The following FKBP8 variants were observed in gnomAD, a reference collection of about 807,000 sequenced individuals.
FKBP8 encodes peptidyl-prolyl cis-trans isomerase FKBP8.
A neutral mutation model predicts 41.7 loss-of-function variants in FKBP8; 5 were observed. The observed-to-expected ratio is 0.12, with a 90% confidence interval of 0.06 to 0.25. The LOEUF (loss-of-function observed/expected upper bound fraction) is 0.25. FKBP8 is among the 10% of genes least tolerant of loss of function. FKBP8 has a pLI of 1.00. For synonymous variants in FKBP8, 279 were observed against 254.5 expected (o/e 1.10, Z -0.92); for missense variants, 397 against 563.0 (o/e 0.71, Z 2.98).
intron 1 of FKBP8, 116 bp downstream of exon 1, chr19:18,543,370 C>A (rs1290564757): frequency 7.3e-6 from 1 of 136,718 alleles, no homozygotes; most frequent in Admixed American, 7.1e-5. Flanking sequence ...TCGCCACCCC[C>A]GCGGCCCCTC....
chr19:18,541,564 G>T, intron 2 of FKBP8, 115 bp downstream of exon 2: 1 of 1,443,028 alleles, frequency 6.9e-7, no homozygotes, highest in East Asian at 2.3e-5. Flanking sequence ...CCTCTGGCTG[G>T]TGATCACGGT....
Position 18,537,815 on chromosome 19 carries a change from C to T in FKBP8, c.773-42G>A, listed in dbSNP as rs200991648. 43 of 1,572,360 alleles carry T rather than the reference C, an allele frequency of 2.7e-5. No individual in the cohort carries two copies. The African/African-American group carries it at 5.1e-4, about 19-fold the overall frequency. ...CCCGCCACGGCAGCCGTCACCATGC[C>T]ACCAGACACCCCGGCACCCACCCCT... On this transcript the variant is annotated intron_variant, in intron 5 of 8. Coordinates refer to ENST00000608443, the MANE Select transcript of FKBP8 (RefSeq NM_012181.5). The surrounding 1 kb of genome is among the most constrained non-coding windows in gnomAD (Gnocchi z 4.4).
chr19:18,537,745 C>G lies in FKBP8; in HGVS notation c.801G>C (p.Gln267His), dbSNP rs978206524. ...GACACTTCACCTTCAACTGCAGGAG[C>G]TGTGCCTCCTCCTCGAACGTCATGT... ...KVDMTFEEEA[Q>H]LLQLKVKCLN... is the part of the protein sequence containing the mutation. The change falls in exon 6 of 9, where the codon CAG becomes CAC. Residue 267 changes from glutamine (Q) to histidine (H), a missense_variant. Gln to His is a conservative substitution (Grantham distance 24). This residue lies in a region of FKBP8 where 225 missense variants were observed against 366.8 expected (regional missense o/e 0.61). Transcript: ENST00000608443. This position sits in a 1 kb window ranked among gnomAD's most constrained non-coding sequence, Gnocchi z 4.4. The G allele has an allele frequency of 6.2e-7, 1 of 1,613,488 alleles. No homozygotes were observed. Among genetic ancestry groups the G allele is most frequent in the African/African-American group, 1.3e-5 (1 of 75,044 alleles).
Position 18,531,904 on chromosome 19 carries a change from AG to A in FKBP8, c.*264del. 1 of 485,002 alleles carries A rather than the reference AG, an allele frequency of 2.1e-6. No homozygotes were observed. The highest frequency in any genetic ancestry group is 3.8e-6 in the Non-Finnish European group (1 of 264,668). The allele number at this position is 485,002 out of a possible 1,614,324, so 30.0% of individuals were successfully genotyped here. The stretch of plus-strand genomic sequence containing the variant: ...GGCCTGTTGAGGAGAAACTGAGGCC[AG>A]CCCTGGCGGAGACCTAGCCCAGCGG... On this transcript the variant is annotated 3_prime_UTR_variant, in exon 9 of 9. Coordinates refer to ENST00000608443, the MANE Select transcript of FKBP8 (RefSeq NM_012181.5).
At chr19:18,536,768 A>C (rs2145188344) in intron 6 of FKBP8, among the ~76,000 whole-genome samples, 1 of 152,376 alleles carries the variant, frequency 6.6e-6, no homozygotes, top group East Asian at 1.9e-4. Flanking sequence ...TGAGTAAGGT[A>C]GATGGACAAG....
Position 18,538,308 on chromosome 19 carries a change from T to C in FKBP8, c.680A>G (p.Glu227Gly). 1 of 1,613,592 alleles carries C rather than the reference T, an allele frequency of 6.2e-7. No individual in the cohort carries two copies. The highest frequency in any genetic ancestry group is 1.7e-5 in the Admixed American group (1 of 60,006). Residue 227 changes from glutamate to glycine, a missense_variant, in exon 5 of 9, where the codon GAG (glutamate) becomes GGG (glycine). Physicochemically the swap from Glu to Gly is moderately conservative, Grantham distance 98 (BLOSUM62 -2). Around this residue, in one of 2 missense-constraint regions of FKBP8, gnomAD observed 225 missense variants for 366.8 expected, o/e 0.61. Coordinates refer to ENST00000608443, the MANE Select transcript of FKBP8 (RefSeq NM_012181.5). This position sits in a 1 kb window ranked among gnomAD's most constrained non-coding sequence, Gnocchi z 4.0. The part of the protein sequence containing the change: ...ERVALANRKR[E>G]CGNAHYQRAD... Reference sequence around the variant, plus strand: ...CCGCTGGTAGTGGGCGTTGCCGCACTCCCGCTTCCGGTTGGCCAGGGCCAC... The same window carrying C: ...CCGCTGGTAGTGGGCGTTGCCGCACCCCCGCTTCCGGTTGGCCAGGGCCAC...
intron 6 of FKBP8, among the ~76,000 whole-genome samples, chr19:18,534,827 G>A (rs1004278129): frequency 2.7e-5 from 4 of 150,898 alleles, no homozygotes; most frequent in Admixed American, 2.6e-4. Context: ...TCTCACTCTC[G>A]CCCAGGCTGG....
chr19:18,537,279 G>A lies in FKBP8; in HGVS notation c.945+322C>T, dbSNP rs1191160172. On this transcript the variant is annotated intron_variant, in intron 6 of 8. Coordinates refer to ENST00000608443, the MANE Select transcript of FKBP8 (RefSeq NM_012181.5). This position sits in a 1 kb window ranked among gnomAD's most constrained non-coding sequence, Gnocchi z 4.4. The stretch of plus-strand genomic sequence containing the variant: ...CTTGAACCCAGGAGGAGGAGGTTGC[G>A]GTGGTGAGCTGAGATCACACCACTG... Among the ~76,000 whole-genome samples, 4 of 151,934 alleles carry A rather than the reference G, an allele frequency of 2.6e-5. No homozygotes were observed. Among genetic ancestry groups the A allele is most frequent in the African/African-American group, 4.8e-5 (2 of 41,334 alleles).
Position 18,538,527 on chromosome 19 carries a change from G to T in FKBP8, c.552-91C>A. 2 of 1,072,868 alleles carry T rather than the reference G, an allele frequency of 1.9e-6. No homozygotes were observed. The highest frequency in any genetic ancestry group is 2.7e-6 in the Non-Finnish European group (2 of 748,966). 66.5% of individuals were successfully genotyped at this position (1,072,868 alleles called of 1,614,324 possible). On this transcript the variant is annotated intron_variant, in intron 4 of 8. Transcript: ENST00000608443. The surrounding 1 kb of genome is among the most constrained non-coding windows in gnomAD (Gnocchi z 4.0). The stretch of plus-strand genomic sequence containing the variant: ...CTAGGAAGGAGTGAGCTTGGCTCAA[G>T]CCCCCGATCTGTCTCCCCTCTGCCC...
At position 18,537,208 on chromosome 19, in the gene FKBP8, C is replaced by T. The variant is rs1482680255; in HGVS notation, c.945+393G>A. Among the ~76,000 whole-genome samples the T allele has an allele frequency of 6.6e-6, 1 of 152,080 alleles. No individual in the cohort carries two copies. The highest frequency in any genetic ancestry group is 2.1e-4 in the South Asian group (1 of 4,830). On this transcript the variant is annotated intron_variant, in intron 6 of 8. Transcript: ENST00000608443. This position sits in a 1 kb window ranked among gnomAD's most constrained non-coding sequence, Gnocchi z 4.4. ...CAAAAATTAACTGGGTGTGGTGGCTCGCACCTGTAGTCCCAGCTACTTGGG... is the reference window on the plus strand; with the variant it reads ...CAAAAATTAACTGGGTGTGGTGGCTTGCACCTGTAGTCCCAGCTACTTGGG...
At chr19:18,540,451 T>C (rs957737288) in intron 2 of FKBP8, among the ~76,000 whole-genome samples, 65 of 151,208 alleles carry the variant, frequency 4.3e-4, no homozygotes, top group African/African-American at 1.3e-3. Context: ...AAATAAAAAA[T>C]GACCAGGCAT....
At chr19:18,539,242 A>G in intron 4 of FKBP8, 129 bp downstream of exon 4, 1 of 826,700 alleles carries the variant, frequency 1.2e-6, no homozygotes, top group South Asian at 1.7e-5. Context: ...TTCAGGTGTG[A>G]GCCACCTCAC....
intron 2 of FKBP8, 129 bp from the exon 3 acceptor site, chr19:18,539,849 C>G: frequency 3.6e-6 from 4 of 1,124,388 alleles, no homozygotes. Context: ...AACACTGGGG[C>G]ACAAACCAAA....
intron 6 of FKBP8, among the ~76,000 whole-genome samples, chr19:18,534,478 CCTT>C (rs747294512): frequency 2.0e-5 from 3 of 152,342 alleles, no homozygotes; most frequent in East Asian, 3.9e-4. Flanking sequence ...ACATGCTCCT[CCTT>C]CCTGTCTCAG....
At position 18,538,491 on chromosome 19, in the gene FKBP8, C is replaced by A; in HGVS notation, c.552-55G>T. The A allele has an allele frequency of 1.4e-6, 2 of 1,481,266 alleles. No homozygotes were observed. Among genetic ancestry groups the A allele is most frequent in the East Asian group, 2.3e-5 (1 of 42,590 alleles). 91.8% of individuals were successfully genotyped at this position (1,481,266 alleles called of 1,614,324 possible). On this transcript the variant is annotated intron_variant, in intron 4 of 8. Transcript: ENST00000608443. The surrounding 1 kb of genome is among the most constrained non-coding windows in gnomAD (Gnocchi z 4.0). ...ACTCAGACCTGGTGACCCCTAAACC[C>A]GCTGGGCTGGCTAGGAAGGAGTGAG...
Position 18,540,033 on chromosome 19 carries a change from G to A in FKBP8, c.293-313C>T, listed in dbSNP as rs1033902192. On this transcript the variant is annotated intron_variant, in intron 2 of 8. Transcript: ENST00000608443. ...TTTTTTAAGAAAACTGAGACTTGCC[G>A]AGTTTCCATCTATTTGAGAGGCCAA... Among the ~76,000 whole-genome samples the A allele has an allele frequency of 1.1e-4, 16 of 151,594 alleles. 1 individual carries two copies. In the Middle Eastern group the frequency reaches 0.01, roughly 97 times the overall value.
At chr19:18,532,908 G>T in intron 7 of FKBP8, 113 bp from the exon 8 acceptor site, 1 of 1,501,702 alleles carries the variant, frequency 6.7e-7, no homozygotes, top group Non-Finnish European at 8.9e-7. Flanking sequence ...GGACACAGGG[G>T]TCCCATCTGC....
chr19:18,536,902 G>C (rs377534486), intron 6 of FKBP8, among the ~76,000 whole-genome samples: 118 of 152,314 alleles, frequency 7.7e-4, no homozygotes, highest in African/African-American at 2.7e-3. Context: ...CACGTGGGAT[G>C]GAGAGAAGCA....
rs183127813 is a variant in FKBP8 at position 18,537,575 on chromosome 19, C to T, written c.945+26G>A. The T allele has an allele frequency of 6.4e-5, 100 of 1,559,392 alleles. No individual in the cohort carries two copies. The East Asian group carries it at 1.7e-3, about 26-fold the overall frequency. ...CCCGTATACCCCAGGCTGAGTGACC[C>T]GGCCTGGCACCCCGGTGTGGCCTAC... On this transcript the variant is annotated intron_variant, in intron 6 of 8. Transcript: ENST00000608443. This position sits in a 1 kb window ranked among gnomAD's most constrained non-coding sequence, Gnocchi z 4.4.
Sources: allele counts gnomAD v4.1 joint callset (sites outside exome capture counted in the v4.1 genomes callset), GRCh38; gene constraint gnomAD v4.1.1; regional missense constraint gnomAD v4.1.1; non-coding constraint Gnocchi (gnomAD v3.1); transcripts MANE v1.5; gene names NCBI Gene and HGNC (gene_info 2026-07-23, HGNC 2026-07-21).